Variants in SETD1A observed in about 807,000 individuals in gnomAD.
SETD1A encodes the protein histone-lysine N-methyltransferase SETD1A.
In SETD1A, 29 loss-of-function variants were observed where a neutral mutation model predicts 149.9. The ratio of observed to expected loss-of-function variants is 0.19; its 90% CI spans 0.14 to 0.26. The LOEUF is 0.26. Ranked by LOEUF, SETD1A falls within the 10% of genes least tolerant of loss-of-function variation. SETD1A has a pLI of 1.00. For synonymous variants in SETD1A, 1,141 were observed against 968.5 expected, an observed-to-expected ratio of 1.18 and a Z score of -3.31; for missense variants, 2,109 against 2,353.1, an observed-to-expected ratio of 0.90 and a Z score of 2.15.
chr16:30,979,993 C>CCAG lies in SETD1A; in HGVS notation c.4208_4209insAGC (p.Pro1403_Pro1404insAla). On this transcript the variant is annotated inframe_insertion, in exon 14 of 19. Coordinates refer to ENST00000262519, the MANE Select transcript of SETD1A (RefSeq NM_014712.3). ...CCGCTCCCACGCCCGGCGCCGCCGC[C>CCAG]CTCCGCCCCCACCCCCGCCGCCACC... 1.3e-6 allele frequency: 2 copies of CCAG among 1,489,216 alleles called. No homozygotes were observed. The highest frequency in any genetic ancestry group is 1.8e-6 in the Non-Finnish European group (2 of 1,124,042). The allele number at this position is 1,489,216 out of a possible 1,614,324, so 92.3% of individuals were successfully genotyped here. A position where few individuals can be genotyped will look rare whatever the true frequency, so the allele number is the denominator to read the frequency against.
In SETD1A at chr16:30,969,617, G is replaced by C; in HGVS notation, c.2944G>C (p.Glu982Gln). Residue 982 changes from glutamate (E) to glutamine (Q), a missense_variant, in exon 12 of 19, where the codon GAG becomes CAG. This residue lies in a region of SETD1A where 832 missense variants were observed against 815.6 expected (regional missense o/e 1.02). Transcript: ENST00000262519. ...SSSEKDEEDD[E>Q]EDEEDEDREE... Reference sequence around the variant, plus strand: ...TTTTCTTAAGGATGAGGAGGATGACGAGGAAGATGAGGAAGATGAAGATCG... The same window carrying C: ...TTTTCTTAAGGATGAGGAGGATGACCAGGAAGATGAGGAAGATGAAGATCG... 1.2e-6 allele frequency: 2 copies of C among 1,613,858 alleles called. No individual in the cohort carries two copies. The highest frequency in any genetic ancestry group is 1.7e-6 in the Non-Finnish European group (2 of 1,179,810).
intron 6 of SETD1A, 28 bp downstream of exon 6, chr16:30,964,351 C>A: frequency 1.3e-6 from 2 of 1,571,314 alleles, no homozygotes; most frequent in Non-Finnish European, 8.7e-7. Context: ...CCTGGGGCCC[C>A]GCCCGCAAAG....
Position 30,969,603 on chromosome 16 carries a change from A to T in SETD1A, c.2930A>T (p.Asp977Val). 3 of 1,613,842 alleles carry T rather than the reference A, an allele frequency of 1.9e-6. No individual in the cohort carries two copies. The highest frequency in any genetic ancestry group is 2.5e-6 in the Non-Finnish European group (3 of 1,179,820). ...TCCTCATTTGTCTTTTTTCTTAAGG[A>T]TGAGGAGGATGACGAGGAAGATGAG... ...EASQESSSEK[D>V]EEDDEEDEED... is the part of the protein sequence containing the mutation. Residue 977 changes from aspartate (D) to valine (V), a missense_variant and splice_region_variant, in exon 12 of 19, where the codon GAT (aspartate) becomes GTT (valine). Physicochemically the swap from Asp to Val is radical, Grantham distance 152 (BLOSUM62 -3). Coordinates refer to ENST00000262519, the MANE Select transcript of SETD1A (RefSeq NM_014712.3).
At chr16:30,968,760 C>T (rs2056185258) in intron 10 of SETD1A, among the ~76,000 whole-genome samples, 1 of 151,846 alleles carries the variant, frequency 6.6e-6, no homozygotes, top group Non-Finnish European at 1.5e-5. Context: ...GAGATTGTGC[C>T]ACTGCACTCC....
At chr16:30,962,366 C>G (rs2056065262) in intron 4 of SETD1A, among the ~76,000 whole-genome samples, 1 of 152,154 alleles carries the variant, frequency 6.6e-6, no homozygotes, top group African/African-American at 2.4e-5. Flanking sequence ...TGCCTGGCCT[C>G]TTTTTAATCT....
intron 13 of SETD1A, among the ~76,000 whole-genome samples, chr16:30,974,577 C>T (rs540520883): frequency 6.6e-6 from 1 of 152,228 alleles, no homozygotes; most frequent in South Asian, 2.1e-4. Context: ...GTATCTGTTG[C>T]ATTTGACAGT....
At position 30,971,739 on chromosome 16, in the gene SETD1A, C is replaced by T. The variant is rs1449962550; in HGVS notation, c.3358+20C>T. The T allele has an allele frequency of 5.9e-6, 9 of 1,533,588 alleles. No individual in the cohort carries two copies. Among genetic ancestry groups the T allele is most frequent in the African/African-American group, 2.8e-5 (2 of 72,620 alleles). The allele number at this position is 1,533,588 out of a possible 1,614,324, so 95.0% of individuals were successfully genotyped here. A position where few individuals can be genotyped will look rare whatever the true frequency, so the allele number is the denominator to read the frequency against. On this transcript the variant is annotated intron_variant, in intron 13 of 18. Transcript: ENST00000262519. ...CTGCAGGTAGGTGCCACAGGGCTGT[C>T]GGTTAGATCGCTGTGTGTGTGAGAG...
rs1473188759 is a variant in SETD1A, at chr16:30,980,889, G to A, written c.4692+40G>A. On this transcript the variant is annotated intron_variant, in intron 16 of 18. Coordinates refer to ENST00000262519, the MANE Select transcript of SETD1A (RefSeq NM_014712.3). This position sits in a 1 kb window ranked among gnomAD's most constrained non-coding sequence, Gnocchi z 7.7. ...CAGGAGGGGCTGGGTGGGGTGGGGT[G>A]GGGCAGGAAGGGGCAGAGGCCAGGG... 6.7e-7 allele frequency: 1 copy of A among 1,502,540 alleles called. No individual in the cohort carries two copies. The highest frequency in any genetic ancestry group is 9.2e-7 in the Non-Finnish European group (1 of 1,090,328). 93.1% of individuals were successfully genotyped at this position (1,502,540 alleles called of 1,614,324 possible).
rs1385487476 is a variant in SETD1A at position 30,961,771 on chromosome 16, A to T, written c.517+234A>T. ...CATAATCAAGCACATAACTATCTGT[A>T]AAAAAAAAAAAAAATCATATGAAGG... On this transcript the variant is annotated intron_variant, in intron 4 of 18. Coordinates refer to ENST00000262519, the MANE Select transcript of SETD1A (RefSeq NM_014712.3). The surrounding 1 kb of genome is among the most constrained non-coding windows in gnomAD (Gnocchi z 4.0). 7.1e-6 allele frequency among the ~76,000 whole-genome samples: 1 copy of T among 141,650 alleles called. No homozygotes were observed. Among genetic ancestry groups the T allele is most frequent in the Non-Finnish European group, 1.5e-5 (1 of 64,746 alleles). 92.9% of individuals were successfully genotyped at this position (141,650 alleles called of 152,430 possible).
In SETD1A at chr16:30,979,649, G is replaced by A. The variant is rs772555919; in HGVS notation, c.3863G>A (p.Arg1288His). The A allele has an allele frequency of 7.5e-6, 12 of 1,609,580 alleles. No individual in the cohort carries two copies. The highest frequency in any genetic ancestry group is 2.7e-5 in the African/African-American group (2 of 74,860). ...ACAGAGACATCGGACGAGGCCGAGC[G>A]CCCTAGGCCCCTGCTCAGCCACATC... Reference protein sequence around the residue: ...EATETSDEAERPRPLLSHILL... With the variant: ...EATETSDEAEHPRPLLSHILL... The change falls in exon 14 of 19, where the codon CGC becomes CAC. Residue 1288 changes from arginine (R) to histidine (H), a missense_variant. Coordinates refer to ENST00000262519, the MANE Select transcript of SETD1A (RefSeq NM_014712.3).
intron 13 of SETD1A, among the ~76,000 whole-genome samples, chr16:30,973,734 G>A (rs2056252691): frequency 1.3e-5 from 2 of 152,122 alleles, no homozygotes. Context: ...CGTGGTCTGA[G>A]ATAGGCAGTG....
chr16:30,964,738 A>T lies in SETD1A; in HGVS notation c.996A>T (p.Ala332=). The T allele has an allele frequency of 2.5e-6, 4 of 1,614,150 alleles. No homozygotes were observed. Among genetic ancestry groups the T allele is most frequent in the Non-Finnish European group, 3.4e-6 (4 of 1,179,994 alleles). Residue 332 remains alanine, a synonymous_variant, in exon 7 of 19, where the codon GCA becomes GCT. Coordinates refer to ENST00000262519, the MANE Select transcript of SETD1A (RefSeq NM_014712.3). ...CCACGGCCATCGCCGCCACCACTGC[A>T]GCCACTGCCTCATCCTCCGCCTCTT... ...TASTAIAATT[A]ATASSSASSS...
In SETD1A at chr16:30,965,016, A is replaced by G. The variant is rs767993187; in HGVS notation, c.1274A>G (p.Tyr425Cys). ...PEPSRPTDQD[Y>C]RPPASEAPPP... ...CCCAGCCGGCCCACCGACCAGGACT[A>G]CCGGCCTCCTGCCTCAGAGGCTCCA... The change falls in exon 7 of 19, where the codon TAC (tyrosine) becomes TGC (cysteine). Residue 425 changes from tyrosine to cysteine, a missense_variant. Physicochemically the swap from Tyr to Cys is radical, Grantham distance 194 (BLOSUM62 -2). This residue lies in a region of SETD1A where 410 missense variants were observed against 394.8 expected (regional missense o/e 1.04). Transcript: ENST00000262519. The G allele has an allele frequency of 1.4e-5, 23 of 1,613,082 alleles. No individual in the cohort carries two copies. Among genetic ancestry groups the G allele is most frequent in the South Asian group, 6.6e-5 (6 of 91,028 alleles).
chr16:30,961,293 T>G lies in SETD1A; in HGVS notation c.273T>G (p.Ile91Met). 1 of 1,614,156 alleles carries G rather than the reference T, an allele frequency of 6.2e-7. No individual in the cohort carries two copies. Among genetic ancestry groups the G allele is most frequent in the Non-Finnish European group, 8.5e-7 (1 of 1,180,016 alleles). The change falls in exon 4 of 19, where the codon ATT becomes ATG. Residue 91 changes from isoleucine to methionine, a missense_variant. By Grantham distance (10) the Ile-to-Met change is conservative (BLOSUM62 1). This residue lies in a region of SETD1A where 62 missense variants were observed against 149.5 expected (regional missense o/e 0.41). Transcript: ENST00000262519. The surrounding 1 kb of genome is among the most constrained non-coding windows in gnomAD (Gnocchi z 4.0). ...TGGACGAGTTCTATATTGGACAGAT[T>G]CCACTGAAGGAAGTGACTTTTGCAA... ...FKLDEFYIGQIPLKEVTFARL... is the reference protein window; with the variant it reads ...FKLDEFYIGQMPLKEVTFARL...
rs369042473 is a variant in SETD1A at position 30,975,510 on chromosome 16, A to C, written c.3359-3635A>C. On this transcript the variant is annotated intron_variant, in intron 13 of 18. Coordinates refer to ENST00000262519, the MANE Select transcript of SETD1A (RefSeq NM_014712.3). ...CAGTGGTGCAATCTCGGCTCACTGC[A>C]ACCTCCGCTTCCCGGGTTCATGTGA... 2.8e-5 allele frequency among the ~76,000 whole-genome samples: 4 copies of C among 143,338 alleles called. No homozygotes were observed. In the East Asian group the frequency reaches 8.5e-4, roughly 31 times the overall value. 94.0% of individuals were successfully genotyped at this position (143,338 alleles called of 152,430 possible).
intron 13 of SETD1A, among the ~76,000 whole-genome samples, chr16:30,972,509 G>C (rs2143543077): frequency 6.6e-6 from 1 of 152,180 alleles, no homozygotes; most frequent in South Asian, 2.1e-4. Context: ...ATGGTGACAG[G>C]CACCTGTAGT....
At chr16:30,982,521 A>G (rs894423406) in intron 17 of SETD1A, among the ~76,000 whole-genome samples, 2 of 151,400 alleles carry the variant, frequency 1.3e-5, no homozygotes, top group African/African-American at 2.4e-5. Context: ...AAAAGAAAAG[A>G]AAAAACAGGG....
chr16:30,978,225 G>C (rs2056310621), intron 13 of SETD1A, among the ~76,000 whole-genome samples: 1 of 143,340 alleles, frequency 7.0e-6, no homozygotes, highest in Non-Finnish European at 1.5e-5. Flanking sequence ...AGTAAGCCGA[G>C]ATTGCGCCAC....
chr16:30,963,975 G>C (rs1393530603), intron 5 of SETD1A, 119 bp from the exon 6 acceptor site: 1 of 815,526 alleles, frequency 1.2e-6, no homozygotes, highest in Non-Finnish European at 2.0e-6. Flanking sequence ...CTGGGCAATA[G>C]AGCGAGACTC....
Sources: gnomAD v4.1 joint callset for allele counts (sites outside exome capture counted in the v4.1 genomes callset) on GRCh38, gnomAD v4.1.1 for gene constraint, gnomAD v4.1.1 regional missense constraint, Gnocchi (gnomAD v3.1) non-coding constraint, MANE v1.5 for transcripts, NCBI Gene and HGNC (gene_info 2026-07-23, HGNC 2026-07-21) for gene names.